The following GPHN variants were observed in gnomAD, a reference collection of about 807,000 sequenced individuals.
The protein encoded by GPHN is gephyrin.
GPHN carries 17 observed loss-of-function variants against 95.5 expected under a neutral mutation model. That is an observed-to-expected ratio of 0.18 (90% CI 0.12 to 0.27). The LOEUF is 0.27. GPHN is among the 10% of genes least tolerant of loss of function. The probability of loss-of-function intolerance (pLI) is 1.00; values close to 1 mark genes in which losing one functional copy is unlikely to be tolerated. For missense variants in GPHN, 660 were observed against 978.1 expected, an observed-to-expected ratio of 0.67 and a Z score of 4.34; for synonymous variants, 320 against 322.5, an observed-to-expected ratio of 0.99 and a Z score of 0.08.
At chr14:67,390,611 G>A in the GPHN span, 2 of 1,242,404 alleles carry the variant, frequency 1.6e-6, no homozygotes, top group Admixed American at 1.7e-5. Flanking sequence ...GGAGAGGAGT[G>A]TCTGGGGGCA....
intron 11 of GPHN, among the ~76,000 whole-genome samples, chr14:67,075,936 C>G (rs1595044253): frequency 1.3e-5 from 2 of 152,276 alleles, no homozygotes; most frequent in East Asian, 3.9e-4. Flanking sequence ...TAGAATATTA[C>G]ATAAACTTAG....
chr14:67,256,789 A>C, the GPHN span, among the ~76,000 whole-genome samples: 231 of 131,474 alleles, frequency 1.8e-3, 1 homozygote, highest in African/African-American at 7.4e-3. Flanking sequence ...AGTGTTCCAG[A>C]AACTATTGAC....
Position 66,586,101 on chromosome 14 carries a change from A to C in GPHN, c.64+77510A>C, listed in dbSNP as rs563829086. Among the ~76,000 whole-genome samples, 554 of 152,312 alleles carry C rather than the reference A, an allele frequency of 3.6e-3. 12 individuals carry two copies. The highest frequency in any genetic ancestry group is 0.013 in the African/African-American group (528 of 41,562). ...TATTGGGTGCATATATATTTAGGGTAGTTAGCTCTTCTTGTTGAATTGATC... is the reference window on the plus strand; with the variant it reads ...TATTGGGTGCATATATATTTAGGGTCGTTAGCTCTTCTTGTTGAATTGATC... On this transcript the variant is annotated intron_variant, in intron 1 of 22. Coordinates refer to ENST00000478722, the MANE Select transcript of GPHN (RefSeq NM_020806.5).
At chr14:67,221,876 G>A in the GPHN span, 287 of 1,582,992 alleles carry the variant, frequency 1.8e-4, no homozygotes, top group Admixed American at 1.1e-4. Flanking sequence ...CTGGTTCCTA[G>A]AAGAGTAGTG....
intron 9 of GPHN, among the ~76,000 whole-genome samples, chr14:67,021,558 G>A: frequency 6.6e-6 from 1 of 152,114 alleles, no homozygotes; most frequent in African/African-American, 2.4e-5. Context: ...AGGGTATTTT[G>A]TTGTTGTTTT....
the GPHN span, among the ~76,000 whole-genome samples, chr14:67,655,459 T>C: frequency 2.6e-5 from 4 of 152,214 alleles, no homozygotes; most frequent in South Asian, 4.1e-4. Flanking sequence ...GATTTAAATA[T>C]TTGTTTTCTT....
intron 1 of GPHN, among the ~76,000 whole-genome samples, chr14:66,559,679 T>A (rs1431866506): frequency 7.2e-5 from 11 of 151,768 alleles, no homozygotes; most frequent in African/African-American, 2.7e-4. Flanking sequence ...TTTTCTCCCA[T>A]TTTGTAGGTT....
At chr14:67,018,757 A>G (rs989055760) in intron 9 of GPHN, among the ~76,000 whole-genome samples, 1 of 152,200 alleles carries the variant, frequency 6.6e-6, no homozygotes, top group African/African-American at 2.4e-5. Context: ...CATAACAACT[A>G]CTGACATTTA....
At chr14:66,736,549 C>A (rs1440294978) in intron 2 of GPHN, among the ~76,000 whole-genome samples, 4 of 151,752 alleles carry the variant, frequency 2.6e-5, no homozygotes, top group African/African-American at 9.7e-5. Flanking sequence ...CAGGTGAGCA[C>A]CACCACACCC....
At chr14:67,578,547 T>C in the GPHN span, 1 of 1,610,098 alleles carries the variant, frequency 6.2e-7, no homozygotes, top group Non-Finnish European at 8.5e-7. The surrounding 1 kb of genome is among the most constrained non-coding windows in gnomAD (Gnocchi z 5.0). Flanking sequence ...TGGCAGCTCC[T>C]CGCTCTGTGT....
At chr14:67,017,491 A>G (rs1044583825) in intron 9 of GPHN, among the ~76,000 whole-genome samples, 1 of 152,102 alleles carries the variant, frequency 6.6e-6, no homozygotes, top group Non-Finnish European at 1.5e-5. Flanking sequence ...TACTCAAAGA[A>G]GTTCATTCTT....
the GPHN span, chr14:67,727,654 G>T: frequency 4.8e-6 from 1 of 206,864 alleles, no homozygotes; most frequent in Non-Finnish European, 9.8e-6. Context: ...GGCTAATTTT[G>T]TATTTTTAGA....
At chr14:66,581,636 T>G (rs1215892268) in intron 1 of GPHN, among the ~76,000 whole-genome samples, 2 of 151,984 alleles carry the variant, frequency 1.3e-5, no homozygotes, top group African/African-American at 4.8e-5. Context: ...AAGTATGTTC[T>G]GCCTATAAGA....
chr14:66,645,677 G>A (rs1263567127), intron 1 of GPHN, among the ~76,000 whole-genome samples: 1 of 140,646 alleles, frequency 7.1e-6, no homozygotes, highest in Non-Finnish European at 1.5e-5. Flanking sequence ...GGGCGACAGA[G>A]TGAGACTCCA....
the GPHN span, among the ~76,000 whole-genome samples, chr14:67,730,643 ACT>A: frequency 6.6e-6 from 1 of 152,074 alleles, no homozygotes; most frequent in Non-Finnish European, 1.5e-5. Context: ...CACTCTTGTC[ACT>A]CAGGCTGGAG....
At chr14:67,377,341 C>T in the GPHN span, among the ~76,000 whole-genome samples, 1 of 151,798 alleles carries the variant, frequency 6.6e-6, no homozygotes, top group Non-Finnish European at 1.5e-5. Flanking sequence ...TCATGGTCTC[C>T]AGCCTCAGCT....
At chr14:67,356,006 A>C in the GPHN span, among the ~76,000 whole-genome samples, 18 of 152,256 alleles carry the variant, frequency 1.2e-4, no homozygotes, top group African/African-American at 4.3e-4. Flanking sequence ...CAAAAAAACA[A>C]GTGTTTGGGT....
chr14:67,465,655 G>A, the GPHN span, among the ~76,000 whole-genome samples: 1 of 152,210 alleles, frequency 6.6e-6, no homozygotes, highest in South Asian at 2.1e-4. Context: ...AAGGGCTTCA[G>A]CAGAAATCTG....
chr14:67,562,731 G>A, the GPHN span: 99 of 1,613,438 alleles, frequency 6.1e-5, no homozygotes, highest in African/African-American at 7.2e-4. Flanking sequence ...CTGGAGTCCC[G>A]AGCTAGGTCC....
Sources: gnomAD v4.1 joint callset for allele counts (sites outside exome capture counted in the v4.1 genomes callset) on GRCh38, gnomAD v4.1.1 for gene constraint, Gnocchi (gnomAD v3.1) non-coding constraint, MANE v1.5 for transcripts, NCBI Gene and HGNC (gene_info 2026-07-23, HGNC 2026-07-21) for gene names.